Variants in DAB1 observed in about 807,000 individuals in gnomAD.
The protein encoded by DAB1 is DAB adaptor protein 1.
A neutral mutation model predicts 64.6 loss-of-function variants in DAB1; 15 were observed. The observed-to-expected ratio is 0.23, with a 90% CI of 0.16 to 0.36. The LOEUF (loss-of-function observed/expected upper bound fraction) is 0.36. Among genes scored for constraint, DAB1 ranks in the 10% least tolerant of loss-of-function variants. The pLI is 1.00. For missense variants in DAB1, 596 were observed against 706.7 expected, an observed-to-expected ratio of 0.84 and a Z score of 1.78; for synonymous variants, 235 against 251.9, an observed-to-expected ratio of 0.93 and a Z score of 0.64.
intron 3 of DAB1, among the ~76,000 whole-genome samples, chr1:58,391,212 T>C (rs1305651356): frequency 1.3e-5 from 2 of 152,182 alleles, no homozygotes; most frequent in Non-Finnish European, 2.9e-5. Context: ...TAAAGAGAGC[T>C]GCCGGCCAGC....
At chr1:57,749,729 T>G (rs959742118) in intron 6 of DAB1, among the ~76,000 whole-genome samples, 1 of 151,754 alleles carries the variant, frequency 6.6e-6, no homozygotes, top group Admixed American at 6.6e-5. Context: ...TGGGAGAAAG[T>G]AGAACAGAGA....
At chr1:57,672,285 C>T (rs1210047027) in intron 6 of DAB1, among the ~76,000 whole-genome samples, 1 of 152,062 alleles carries the variant, frequency 6.6e-6, no homozygotes, top group Non-Finnish European at 1.5e-5. Context: ...CCTGCTGAAG[C>T]GTTTGTAGGA....
chr1:57,312,394 T>C (rs1330756184), intron 1 of DAB1, among the ~76,000 whole-genome samples: 2 of 150,882 alleles, frequency 1.3e-5, no homozygotes, highest in Admixed American at 6.6e-5. Context: ...AAAAATAAAA[T>C]CCAGAACTAG....
chr1:57,532,883 G>C (rs1434366269), intron 7 of DAB1, among the ~76,000 whole-genome samples: 1 of 152,110 alleles, frequency 6.6e-6, no homozygotes, highest in Non-Finnish European at 1.5e-5. Context: ...ACCATTCATT[G>C]CTGTAATCAT....
At chr1:58,225,021 G>A (rs984789420) in intron 4 of DAB1, among the ~76,000 whole-genome samples, 7 of 152,146 alleles carry the variant, frequency 4.6e-5, no homozygotes, top group Non-Finnish European at 7.4e-5. Flanking sequence ...AGAGTGAACA[G>A]ACAACCTACA....
intron 2 of DAB1, among the ~76,000 whole-genome samples, chr1:57,257,540 C>G (rs1343700696): frequency 6.6e-6 from 1 of 152,148 alleles, no homozygotes; most frequent in East Asian, 1.9e-4. Flanking sequence ...GGTATCAGAA[C>G]TTGGACTTGA....
At chr1:58,260,689 G>A (rs1424807821) in intron 4 of DAB1, among the ~76,000 whole-genome samples, 3 of 152,096 alleles carry the variant, frequency 2.0e-5, no homozygotes, top group African/African-American at 7.2e-5. Flanking sequence ...GTTATACATA[G>A]GTGCACACTG....
intron 5 of DAB1, among the ~76,000 whole-genome samples, chr1:58,127,895 A>G (rs1488923835): frequency 6.6e-6 from 1 of 152,142 alleles, no homozygotes; most frequent in Admixed American, 6.5e-5. Context: ...AGGTAGTGTG[A>G]TGCCTCCAGC....
At chr1:58,527,224 A>G (rs1361076681) in intron 2 of DAB1, 2 of 861,592 alleles carry the variant, frequency 2.3e-6, no homozygotes, top group South Asian at 2.6e-5. Context: ...TCAGCCTGGG[A>G]AGGGCATTAT....
At chr1:57,830,557 TGTGA>T (rs1403602011) in intron 1 of DAB1, among the ~76,000 whole-genome samples, 1 of 152,178 alleles carries the variant, frequency 6.6e-6, no homozygotes, top group African/African-American at 2.4e-5. Context: ...TATACATGTA[TGTGA>T]GTATGTATGT....
chr1:57,666,924 GGGCTTATGCCA>G (rs1646455744), intron 6 of DAB1, among the ~76,000 whole-genome samples: 3 of 151,794 alleles, frequency 2.0e-5, no homozygotes, highest in Admixed American at 1.3e-4. Flanking sequence ...GAGAGGGAGA[GGGCTTATGCCA>G]TTGTTTTCCA....
intron 4 of DAB1, among the ~76,000 whole-genome samples, chr1:58,256,584 T>C (rs940558307): frequency 3.3e-5 from 5 of 152,226 alleles, no homozygotes; most frequent in Non-Finnish European, 5.9e-5. Context: ...ATTTATGATA[T>C]ACCTACTGTG....
intron 6 of DAB1, among the ~76,000 whole-genome samples, chr1:57,766,204 G>A (rs1193526066): frequency 6.7e-6 from 1 of 150,232 alleles, no homozygotes; most frequent in Non-Finnish European, 1.5e-5. Context: ...ATAGTTACCT[G>A]ATTTCCCCCC....
upstream of DAB1, among the ~76,000 whole-genome samples, chr1:57,427,398 C>T (rs1423528791): frequency 1.3e-5 from 2 of 152,170 alleles, no homozygotes; most frequent in South Asian, 2.1e-4. Flanking sequence ...GCAGCCTGCA[C>T]ATGAGCAAAA....
chr1:57,102,086 A>G (rs939479351), intron 4 of DAB1, among the ~76,000 whole-genome samples: 2 of 152,192 alleles, frequency 1.3e-5, no homozygotes, highest in Non-Finnish European at 2.9e-5. Context: ...GGCAACAGAC[A>G]TGTAAACAAT....
At chr1:57,479,455 TTA>T (rs1643983521) in intron 7 of DAB1, among the ~76,000 whole-genome samples, 1 of 148,882 alleles carries the variant, frequency 6.7e-6, no homozygotes, top group Admixed American at 6.7e-5. Context: ...TATATATATT[TTA>T]TATATATAAA....
At chr1:58,203,330 C>A (rs1045291962) in intron 4 of DAB1, among the ~76,000 whole-genome samples, 2 of 152,180 alleles carry the variant, frequency 1.3e-5, no homozygotes, top group African/African-American at 2.4e-5. Flanking sequence ...TTATTTAGGT[C>A]ATCTCAGGAT....
At chr1:58,510,162 A>C (rs1030866098) in intron 2 of DAB1, among the ~76,000 whole-genome samples, 1 of 152,028 alleles carries the variant, frequency 6.6e-6, no homozygotes, top group Non-Finnish European at 1.5e-5. Context: ...CCTGATACCT[A>C]TGCCAAAGAC....
At chr1:57,025,702 C>T (rs978129763) in intron 10 of DAB1, among the ~76,000 whole-genome samples, 2 of 152,226 alleles carry the variant, frequency 1.3e-5, no homozygotes, top group Admixed American at 6.5e-5. Flanking sequence ...CAGACCACAG[C>T]AGAACAGCAA....
Sources: gnomAD v4.1 joint callset for allele counts (sites outside exome capture counted in the v4.1 genomes callset) on GRCh38, gnomAD v4.1.1 for gene constraint, MANE v1.5 for transcripts, NCBI Gene and HGNC (gene_info 2026-07-23, HGNC 2026-07-21) for gene names.